The following PUM1 variants were observed in gnomAD, a reference collection of about 807,000 sequenced individuals.
The protein encoded by PUM1 is pumilio homolog 1.
PUM1 carries 13 observed loss-of-function variants against 131.8 expected under a neutral mutation model. The ratio of observed to expected loss-of-function variants is 0.10; its 90% CI spans 0.06 to 0.16. The LOEUF (loss-of-function observed/expected upper bound fraction) is 0.16, where lower values mean the gene tolerates loss of function less well. Ranked by LOEUF, PUM1 falls within the 10% of genes least tolerant of loss-of-function variation. PUM1 has a pLI of 1.00. For synonymous variants in PUM1, 509 were observed against 556.5 expected, an observed-to-expected ratio of 0.91 and a Z score of 1.20; for missense variants, 961 against 1,512.4, an observed-to-expected ratio of 0.64 and a Z score of 6.05.
intron 3 of PUM1, among the ~76,000 whole-genome samples, chr1:31,025,772 T>C (rs150141420): frequency 0.072 from 10,917 of 151,740 alleles, 652 homozygotes; most frequent in East Asian, 0.29. Flanking sequence ...ACCAGGCTGG[T>C]CTCAAACTCC....
rs1169941767 is a variant in PUM1, at chr1:31,065,618, G to C, written c.-14C>G. The C allele has an allele frequency of 4.5e-6, 7 of 1,547,196 alleles. No homozygotes were observed. The highest frequency in any genetic ancestry group is 6.1e-6 in the Non-Finnish European group (7 of 1,146,644). Reference sequence around the variant, plus strand: ...GCCGGTGGGGTGCGGATACTCACGGGCGGAGCGGTAGGATGAAGATGGATT... The same window carrying C: ...GCCGGTGGGGTGCGGATACTCACGGCCGGAGCGGTAGGATGAAGATGGATT... On this transcript the variant is annotated splice_region_variant and 5_prime_UTR_variant, in exon 1 of 22. Transcript: ENST00000426105.
intron 9 of PUM1, among the ~76,000 whole-genome samples, chr1:30,979,782 AG>A (rs914463448): frequency 6.6e-6 from 1 of 152,178 alleles, no homozygotes; most frequent in African/African-American, 2.4e-5. Flanking sequence ...GATCTGGGCA[AG>A]GGGGGAAATT....
chr1:31,032,507 G>A (rs1643465024), intron 2 of PUM1, among the ~76,000 whole-genome samples: 1 of 148,910 alleles, frequency 6.7e-6, no homozygotes, highest in African/African-American at 2.5e-5. Flanking sequence ...TTAATGTTTT[G>A]TTTTGTTTTT....
intron 16 of PUM1, among the ~76,000 whole-genome samples, chr1:30,951,459 T>C (rs939186553): frequency 6.6e-6 from 1 of 152,208 alleles, no homozygotes; most frequent in East Asian, 1.9e-4. Context: ...CAGGATGAGA[T>C]GTTAAGACAT....
At chr1:31,021,484 T>C (rs74825452) in intron 3 of PUM1, among the ~76,000 whole-genome samples, 1 of 152,310 alleles carries the variant, frequency 6.6e-6, no homozygotes, top group East Asian at 1.9e-4. Flanking sequence ...ACAATATATT[T>C]AGCAGCTATT....
chr1:30,936,917 A>C, intron 20 of PUM1, 82 bp from the exon 21 acceptor site: 1 of 1,195,840 alleles, frequency 8.4e-7, no homozygotes, highest in Non-Finnish European at 1.2e-6. Context: ...TTCTGCCCTG[A>C]CCTCCGGACC....
In PUM1 at chr1:31,005,918, C is replaced by T. The variant is rs1040826069; in HGVS notation, c.655G>A (p.Val219Ile). Residue 219 changes from valine (V) to isoleucine (I), a missense_variant, in exon 5 of 22, where the codon GTT (valine) becomes ATT (isoleucine). Val to Ile is a conservative substitution (Grantham distance 29). Transcript: ENST00000426105. The stretch of plus-strand genomic sequence containing the variant: ...CTCAACACATACTCCACCATGCTAA[C>T]GCCTAGTCCCCCACTCTCCGATCGT... ...SPRSESGGLG[V>I]SMVEYVLSSS... The T allele has an allele frequency of 5.6e-6, 9 of 1,613,722 alleles. No individual in the cohort carries two copies. Among genetic ancestry groups the T allele is most frequent in the African/African-American group, 1.3e-5 (1 of 74,900 alleles).
chr1:31,024,776 A>T (rs1404025353), intron 3 of PUM1, among the ~76,000 whole-genome samples: 2 of 152,210 alleles, frequency 1.3e-5, no homozygotes, highest in South Asian at 2.1e-4. Flanking sequence ...TTAAAAATCC[A>T]TCCTTTTCTA....
chr1:30,968,972 A>C (rs1192609179), intron 10 of PUM1, among the ~76,000 whole-genome samples: 1 of 152,114 alleles, frequency 6.6e-6, no homozygotes, highest in Non-Finnish European at 1.5e-5. Context: ...ATACTATATA[A>C]TGTCAGTGCT....
chr1:30,945,147 T>C (rs1472587271), intron 18 of PUM1, among the ~76,000 whole-genome samples, 199 bp downstream of exon 18: 1 of 152,058 alleles, frequency 6.6e-6, no homozygotes, highest in African/African-American at 2.4e-5. Context: ...GGGGGGAGGA[T>C]TGCTTGAACC....
chr1:31,020,871 T>C (rs1272090307), intron 3 of PUM1, among the ~76,000 whole-genome samples: 1 of 152,188 alleles, frequency 6.6e-6, no homozygotes, highest in Non-Finnish European at 1.5e-5. Context: ...TTAATCAAAA[T>C]ACAATGGATT....
chr1:31,057,695 A>G (rs899310341), intron 2 of PUM1, among the ~76,000 whole-genome samples: 3 of 135,722 alleles, frequency 2.2e-5, no homozygotes, highest in African/African-American at 8.3e-5. Flanking sequence ...ACTGCACTCC[A>G]GCCTGGGCGA....
chr1:30,946,160 C>T (rs1005400418), intron 17 of PUM1, among the ~76,000 whole-genome samples: 1 of 152,010 alleles, frequency 6.6e-6, no homozygotes, highest in African/African-American at 2.4e-5. Context: ...AACAGATACT[C>T]CTTAACTTAG....
At position 30,972,271 on chromosome 1, in the gene PUM1, GGGAAGGGAAGGGA is replaced by G. The variant is rs1256361357; in HGVS notation, c.1506+2367_1506+2379del. 6.6e-3 allele frequency among the ~76,000 whole-genome samples: 5 copies of G among 754 alleles called. No homozygotes were observed. In the African/African-American group the frequency reaches 0.071, roughly 11 times the overall value. 0.5% of individuals were successfully genotyped at this position (754 alleles called of 152,430 possible). A position where few individuals can be genotyped will look rare whatever the true frequency, so the allele number is the denominator to read the frequency against. Reference sequence around the variant, plus strand: ...TTATGTCAGAAAGAAAAGAAAAGAAGGGAAGGGAAGGGAAGGGGAGGGGAGGGGAGGGGAGGGG... The same window carrying G: ...TTATGTCAGAAAGAAAAGAAAAGAAGAGGGGAGGGGAGGGGAGGGGAGGGG... On this transcript the variant is annotated intron_variant, in intron 10 of 21. Transcript: ENST00000426105.
At chr1:30,999,459 T>C (rs1570242035) in intron 5 of PUM1, among the ~76,000 whole-genome samples, 1 of 151,580 alleles carries the variant, frequency 6.6e-6, no homozygotes, top group Non-Finnish European at 1.5e-5. Flanking sequence ...CTACAAAAAT[T>C]AGCCAGACGT....
intron 2 of PUM1, among the ~76,000 whole-genome samples, chr1:31,053,227 C>T (rs1379062332): frequency 1.3e-5 from 2 of 150,434 alleles, no homozygotes; most frequent in African/African-American, 2.4e-5. Flanking sequence ...GTCTCAAACG[C>T]CTGACCTCGT....
At chr1:31,030,036 T>C (rs1350391186) in intron 2 of PUM1, among the ~76,000 whole-genome samples, 1 of 151,236 alleles carries the variant, frequency 6.6e-6, no homozygotes, top group South Asian at 2.1e-4. Context: ...GCCAACATGG[T>C]GAAACCCTGT....
chr1:31,049,756 T>C (rs757934625), intron 2 of PUM1, among the ~76,000 whole-genome samples: 61 of 151,588 alleles, frequency 4.0e-4, no homozygotes, highest in Non-Finnish European at 8.1e-4. Context: ...CTCTACAAGT[T>C]GCCATTTCAG....
Position 31,065,641 on chromosome 1 carries a change from A to T in PUM1, c.-37T>A, listed in dbSNP as rs1439724326. 6.5e-7 allele frequency: 1 copy of T among 1,549,124 alleles called. No individual in the cohort carries two copies. The highest frequency in any genetic ancestry group is 1.2e-5 in the South Asian group (1 of 84,040). On this transcript the variant is annotated 5_prime_UTR_variant, in exon 1 of 22. Transcript: ENST00000426105. ...GGGCGGAGCGGTAGGATGAAGATGG[A>T]TTTCAGCCCCCCGATCTTCTCTCTC...
Sources: gnomAD v4.1 joint callset for allele counts (sites outside exome capture counted in the v4.1 genomes callset) on GRCh38, gnomAD v4.1.1 for gene constraint, MANE v1.5 for transcripts, NCBI Gene and HGNC (gene_info 2026-07-23, HGNC 2026-07-21) for gene names.